RCL1: variants seen among roughly 807,000 people sequenced by gnomAD.
The protein encoded by RCL1 is RNA 3'-terminal phosphate cyclase-like protein.
In RCL1, 24 loss-of-function variants were observed where a neutral mutation model predicts 42.4. The ratio of observed to expected loss-of-function variants is 0.57; its 90% confidence interval spans 0.41 to 0.80. The LOEUF is 0.80. Ranked by LOEUF, RCL1 falls within the 30% of genes least tolerant of loss-of-function variation. The probability of loss-of-function intolerance (pLI) is 0.00; values close to 1 mark genes in which losing one functional copy is unlikely to be tolerated. For synonymous variants in RCL1, 228 were observed against 177.3 expected (o/e 1.29, Z -2.27); for missense variants, 578 against 467.9 (o/e 1.24, Z -2.17).
chr9:4,837,056 G>A (rs963205677), intron 5 of RCL1, among the ~76,000 whole-genome samples: 4 of 152,112 alleles, frequency 2.6e-5, no homozygotes, highest in Admixed American at 2.0e-4. Context: ...ACATTGCCCA[G>A]GTGACTTTCT....
At chr9:4,844,034 A>G (rs1165016968) in intron 6 of RCL1, among the ~76,000 whole-genome samples, 3 of 152,138 alleles carry the variant, frequency 2.0e-5, no homozygotes, top group Non-Finnish European at 2.9e-5. Flanking sequence ...TTCCTTAAGA[A>G]TCTAAGGACT....
intron 5 of RCL1, 61 bp downstream of exon 5, chr9:4,834,326 G>C: frequency 6.5e-7 from 1 of 1,546,236 alleles, no homozygotes; most frequent in South Asian, 1.2e-5. Flanking sequence ...ACTAAGATAA[G>C]AATGACTAAC....
intron 1 of RCL1, among the ~76,000 whole-genome samples, chr9:4,808,010 CAA>C (rs1816041484): frequency 6.6e-6 from 1 of 151,970 alleles, no homozygotes; most frequent in Admixed American, 6.6e-5. Context: ...ACACTTAGAA[CAA>C]ATATATGTTC....
At chr9:4,826,479 C>T (rs1816767617) in intron 2 of RCL1, among the ~76,000 whole-genome samples, 1 of 152,034 alleles carries the variant, frequency 6.6e-6, no homozygotes, top group African/African-American at 2.4e-5. Context: ...ATGCTGGTTG[C>T]TGGTGTGATG....
intron 2 of RCL1, among the ~76,000 whole-genome samples, chr9:4,825,026 C>G (rs1387829263): frequency 2.0e-5 from 3 of 152,022 alleles, no homozygotes; most frequent in African/African-American, 4.8e-5. Flanking sequence ...ATTCTCCTGC[C>G]TTAGCCTCCC....
At chr9:4,805,620 C>T (rs1484593579) in intron 1 of RCL1, among the ~76,000 whole-genome samples, 2 of 152,210 alleles carry the variant, frequency 1.3e-5, no homozygotes, top group Non-Finnish European at 2.9e-5. Flanking sequence ...CATCAGTTCC[C>T]TCATGCTATG....
chr9:4,833,201 G>A lies in RCL1; in HGVS notation c.432G>A (p.Gly144=), dbSNP rs1817008748. ...ATALPLLKQF[G]IDGESFELKI... is the part of the protein sequence containing the mutation. ...CACTCCCTTTGTTGAAACAATTTGGGATTGATGGTGAATCATTTGAACTGA... is the reference window on the plus strand; with the variant it reads ...CACTCCCTTTGTTGAAACAATTTGGAATTGATGGTGAATCATTTGAACTGA... Residue 144 remains glycine, a synonymous_variant, in exon 4 of 9, where the codon GGG becomes GGA. Transcript: ENST00000381750. The A allele has an allele frequency of 1.2e-6, 2 of 1,612,902 alleles. No homozygotes were observed. Among genetic ancestry groups the A allele is most frequent in the Non-Finnish European group, 8.5e-7 (1 of 1,178,874 alleles).
At chr9:4,813,400 A>T (rs1816252059) in intron 1 of RCL1, among the ~76,000 whole-genome samples, 1 of 152,254 alleles carries the variant, frequency 6.6e-6, no homozygotes, top group Admixed American at 6.5e-5. Flanking sequence ...CACTTCTCAA[A>T]AGAAGATATT....
At chr9:4,850,395 G>C (rs762070557) in intron 8 of RCL1, 7 of 524,640 alleles carry the variant, frequency 1.3e-5, no homozygotes, top group Non-Finnish European at 2.8e-5. Context: ...TTGAGAAAGG[G>C]TTGAGGACTG....
At chr9:4,829,128 A>G (rs1284730523) in intron 3 of RCL1, among the ~76,000 whole-genome samples, 1 of 152,246 alleles carries the variant, frequency 6.6e-6, no homozygotes, top group East Asian at 1.9e-4. Context: ...TAGAGAGATT[A>G]CAAGGATGAA....
chr9:4,849,443 A>C lies in RCL1; in HGVS notation c.868-4A>C. 1 of 1,609,426 alleles carries C rather than the reference A, an allele frequency of 6.2e-7. No homozygotes were observed. The highest frequency in any genetic ancestry group is 8.5e-7 in the Non-Finnish European group (1 of 1,176,138). On this transcript the variant is annotated splice_polypyrimidine_tract_variant and splice_region_variant and intron_variant, in intron 7 of 8. Coordinates refer to ENST00000381750, the MANE Select transcript of RCL1 (RefSeq NM_005772.5). ...TTTGTACAATTATTAATTTGTGTTT[A>C]CAGGGTGGATGCGTAGACTCGACCA...
At chr9:4,820,751 G>A (rs1050605642) in intron 1 of RCL1, among the ~76,000 whole-genome samples, 7 of 152,120 alleles carry the variant, frequency 4.6e-5, no homozygotes, top group Non-Finnish European at 1.5e-5. Flanking sequence ...AGTAGAAAGT[G>A]GCATTGTGGT....
intron 3 of RCL1, among the ~76,000 whole-genome samples, chr9:4,828,060 C>T (rs1267443003): frequency 6.6e-6 from 1 of 151,668 alleles, no homozygotes; most frequent in African/African-American, 2.4e-5. Flanking sequence ...GTGGCGGGCG[C>T]CTGTAGTGCC....
chr9:4,832,266 G>C, intron 3 of RCL1, among the ~76,000 whole-genome samples: 1 of 152,096 alleles, frequency 6.6e-6, no homozygotes, highest in East Asian at 1.9e-4. Context: ...TTGTAGTTTT[G>C]AGTTTGTGCT....
rs202170302 is a variant in RCL1 at position 4,827,913 on chromosome 9, G to A, written c.384+880G>A. On this transcript the variant is annotated intron_variant, in intron 3 of 8. Transcript: ENST00000381750. ...TCTTAAAGCTGATGGCCGGCCGGGCGCAGTGGCTTACGCCTGTAATCCCAG... is the reference window on the plus strand; with the variant it reads ...TCTTAAAGCTGATGGCCGGCCGGGCACAGTGGCTTACGCCTGTAATCCCAG... 2.2e-4 allele frequency among the ~76,000 whole-genome samples: 33 copies of A among 152,190 alleles called. No homozygotes were observed. The East Asian group carries it at 6.2e-3, about 29-fold the overall frequency.
chr9:4,855,057 A>C (rs1241882532), intron 8 of RCL1, among the ~76,000 whole-genome samples: 1 of 138,346 alleles, frequency 7.2e-6, no homozygotes, highest in East Asian at 1.9e-4. Context: ...CGTCTCAAAA[A>C]AAAAAAAAAA....
chr9:4,818,840 C>G (rs568052747), intron 1 of RCL1, among the ~76,000 whole-genome samples: 3 of 148,780 alleles, frequency 2.0e-5, no homozygotes, highest in Admixed American at 6.7e-5. Flanking sequence ...CCAGTGCACT[C>G]CAGCCTGGGC....
chr9:4,847,982 G>A (rs1217725415), intron 7 of RCL1, among the ~76,000 whole-genome samples: 1 of 152,212 alleles, frequency 6.6e-6, no homozygotes, highest in Non-Finnish European at 1.5e-5. Context: ...AGCATAGGTA[G>A]GGTGATAGCC....
At chr9:4,823,932 T>A (rs1367540745) in intron 2 of RCL1, among the ~76,000 whole-genome samples, 1 of 152,148 alleles carries the variant, frequency 6.6e-6, no homozygotes, top group South Asian at 2.1e-4. Flanking sequence ...CGTGTTCCGA[T>A]GGAAAGACCC....
Sources: allele counts gnomAD v4.1 joint callset (sites outside exome capture counted in the v4.1 genomes callset), GRCh38; gene constraint gnomAD v4.1.1; transcripts MANE v1.5; gene names NCBI Gene and HGNC (gene_info 2026-07-23, HGNC 2026-07-21).